ZFYVE9: variants seen among roughly 807,000 people sequenced by gnomAD.
The protein encoded by ZFYVE9 is zinc finger FYVE-type containing 9.
ZFYVE9 carries 43 observed loss-of-function variants against 126.7 expected under a neutral mutation model. The ratio of observed to expected loss-of-function variants is 0.34; its 90% confidence interval spans 0.27 to 0.44. The LOEUF (loss-of-function observed/expected upper bound fraction) is 0.44. ZFYVE9 is among the 20% of genes least tolerant of loss of function. The pLI is 1.00. For synonymous variants in ZFYVE9, 521 were observed against 597.4 expected (o/e 0.87, Z 1.87); for missense variants, 1,476 against 1,697.0 (o/e 0.87, Z 2.29).
intron 12 of ZFYVE9, among the ~76,000 whole-genome samples, 159 bp downstream of exon 12, chr1:52,296,136 T>C (rs1645972107): frequency 1.3e-5 from 2 of 151,596 alleles, no homozygotes; most frequent in Admixed American, 1.3e-4. Flanking sequence ...TGTATATATA[T>C]ATATACACAC....
At chr1:52,187,256 C>T (rs1572085595) in intron 1 of ZFYVE9, among the ~76,000 whole-genome samples, 1 of 152,172 alleles carries the variant, frequency 6.6e-6, no homozygotes, top group African/African-American at 2.4e-5. Flanking sequence ...GGATAACTGG[C>T]TAGCCATATG....
intron 1 of ZFYVE9, among the ~76,000 whole-genome samples, chr1:52,173,235 C>G (rs2124527540): frequency 6.6e-6 from 1 of 152,242 alleles, no homozygotes; most frequent in East Asian, 1.9e-4. Flanking sequence ...TTGTCAAAGG[C>G]TTTTTCTGCA....
At chr1:52,171,461 C>T (rs1287485835) in intron 1 of ZFYVE9, among the ~76,000 whole-genome samples, 15 of 152,150 alleles carry the variant, frequency 9.9e-5, no homozygotes, top group African/African-American at 1.7e-4. Flanking sequence ...AATAAACATA[C>T]GTGTGCATGT....
intron 17 of ZFYVE9, among the ~76,000 whole-genome samples, chr1:52,341,419 C>T (rs1026788229): frequency 3.3e-5 from 5 of 152,172 alleles, no homozygotes; most frequent in African/African-American, 1.2e-4. Flanking sequence ...GGGCAGTGAC[C>T]CTTTTTTGTA....
chr1:52,166,643 G>A (rs954344808), intron 1 of ZFYVE9, among the ~76,000 whole-genome samples: 4 of 152,012 alleles, frequency 2.6e-5, no homozygotes, highest in South Asian at 2.1e-4. Context: ...GGCTGGGTGC[G>A]GTAGCTTATG....
In ZFYVE9 at chr1:52,274,498, A is replaced by C. The variant is rs528497187; in HGVS notation, c.2660A>C (p.Gln887Pro). The C allele has an allele frequency of 6.2e-7, 1 of 1,612,056 alleles. No individual in the cohort carries two copies. Among genetic ancestry groups the C allele is most frequent in the Admixed American group, 1.7e-5 (1 of 60,010 alleles). Residue 887 changes from glutamine (Q) to proline (P), a missense_variant, in exon 8 of 19, where the codon CAG (glutamine) becomes CCG (proline). Gln to Pro is a moderately conservative substitution (Grantham distance 76). Transcript: ENST00000287727. Reference protein sequence around the residue: ...DICLFSGSITQVGSPVGSAMN... With the variant: ...DICLFSGSITPVGSPVGSAMN... ...TGTCTATTCTCTGGGAGTATAACTC[A>C]GGTTGGAAGTCCTGTTGGAAGTGCA...
intron 1 of ZFYVE9, among the ~76,000 whole-genome samples, chr1:52,202,432 A>G (rs1463800905): frequency 6.6e-6 from 1 of 151,816 alleles, no homozygotes; most frequent in African/African-American, 2.4e-5. Flanking sequence ...GGCTTGCGCC[A>G]CTACCGTCCG....
At chr1:52,334,107 A>C (rs1452782756) in intron 14 of ZFYVE9, among the ~76,000 whole-genome samples, 1 of 152,122 alleles carries the variant, frequency 6.6e-6, no homozygotes, top group African/African-American at 2.4e-5. Context: ...AAAAAAAAAA[A>C]AACTTAGCAG....
chr1:52,176,217 T>G (rs986381763), intron 1 of ZFYVE9, among the ~76,000 whole-genome samples: 10 of 152,294 alleles, frequency 6.6e-5, no homozygotes, highest in African/African-American at 2.4e-4. Context: ...TTCTAACAGA[T>G]AGGACCCTCA....
rs575260966 is a variant in ZFYVE9 at position 52,317,246 on chromosome 1, C to T, written c.3438+13321C>T. 4.4e-4 allele frequency among the ~76,000 whole-genome samples: 67 copies of T among 152,092 alleles called. 1 individual carries two copies. The South Asian group carries it at 0.013, about 30-fold the overall frequency. Reference sequence around the variant, plus strand: ...TTGTATTAGAAAAAAAGGCCAGGTGCGGTGGCTCATGCCTGTAATCTCAGC... The same window carrying T: ...TTGTATTAGAAAAAAAGGCCAGGTGTGGTGGCTCATGCCTGTAATCTCAGC... On this transcript the variant is annotated intron_variant, in intron 13 of 18. Coordinates refer to ENST00000287727, the MANE Select transcript of ZFYVE9 (RefSeq NM_004799.4).
chr1:52,344,650 G>C, intron 17 of ZFYVE9, 118 bp from the exon 18 acceptor site: 1 of 1,105,564 alleles, frequency 9.0e-7, no homozygotes, highest in Non-Finnish European at 1.3e-6. Flanking sequence ...ATGGTGTCCT[G>C]TTCCTGTCAT....
intron 13 of ZFYVE9, among the ~76,000 whole-genome samples, chr1:52,331,479 G>A (rs1230102967): frequency 6.6e-6 from 1 of 150,934 alleles, no homozygotes. Flanking sequence ...TCGGCCGGGT[G>A]CAGTGGCTCA....
intron 4 of ZFYVE9, among the ~76,000 whole-genome samples, chr1:52,255,981 T>TTTCTTTCTTTCC (rs1557484332): frequency 1.1e-4 from 13 of 115,692 alleles, no homozygotes; most frequent in African/African-American, 1.5e-4. Context: ...TCTTTCTTTC[T>TTTCTTTCTTTCC]TTCCTTCCTT....
chr1:52,240,333 C>G (rs2124632976), intron 4 of ZFYVE9, among the ~76,000 whole-genome samples: 1 of 152,188 alleles, frequency 6.6e-6, no homozygotes, highest in Admixed American at 6.5e-5. Flanking sequence ...AGCTTTGTTA[C>G]TATTAATTAT....
intron 4 of ZFYVE9, among the ~76,000 whole-genome samples, chr1:52,254,747 A>G (rs1645487264): frequency 6.6e-6 from 1 of 152,092 alleles, no homozygotes; most frequent in African/African-American, 2.4e-5. Flanking sequence ...TGAGAGGATC[A>G]CTTGAGCTCA....
chr1:52,274,557 A>T lies in ZFYVE9; in HGVS notation c.2719A>T (p.Ile907Phe), dbSNP rs145187001. 3.2e-4 allele frequency: 514 copies of T among 1,612,584 alleles called. No homozygotes were observed. Among genetic ancestry groups the T allele is most frequent in the Admixed American group, 6.0e-4 (36 of 60,016 alleles). Reference sequence around the variant, plus strand: ...TATTCCTGAAGATGGCCTTCCTCCCATTCTCATCTCCACTGGTGTAAAAGG... The same window carrying T: ...TATTCCTGAAGATGGCCTTCCTCCCTTTCTCATCTCCACTGGTGTAAAAGG... ...NLIPEDGLPP[I>F]LISTGVKGDY... Residue 907 changes from isoleucine (I) to phenylalanine (F), a missense_variant, in exon 8 of 19, where the codon ATT becomes TTT. Transcript: ENST00000287727.
At chr1:52,271,291 ATATT>A (rs1489297493) in intron 7 of ZFYVE9, among the ~76,000 whole-genome samples, 1 of 152,192 alleles carries the variant, frequency 6.6e-6, no homozygotes, top group African/African-American at 2.4e-5. Context: ...CAACACTCTA[ATATT>A]TATGTGGTAA....
intron 13 of ZFYVE9, among the ~76,000 whole-genome samples, chr1:52,317,453 G>A (rs1182562623): frequency 6.7e-6 from 1 of 149,464 alleles, no homozygotes; most frequent in African/African-American, 2.5e-5. Flanking sequence ...TTGCACTCCA[G>A]CCTGGGTGAC....
At chr1:52,182,168 G>A (rs1239170694) in intron 1 of ZFYVE9, among the ~76,000 whole-genome samples, 1 of 151,748 alleles carries the variant, frequency 6.6e-6, no homozygotes, top group Non-Finnish European at 1.5e-5. Flanking sequence ...CCATCGGGGA[G>A]GTGAGGGGCG....
Sources: gnomAD v4.1 joint callset for allele counts (sites outside exome capture counted in the v4.1 genomes callset) on GRCh38, gnomAD v4.1.1 for gene constraint, MANE v1.5 for transcripts, NCBI Gene and HGNC (gene_info 2026-07-23, HGNC 2026-07-21) for gene names.